The following COL18A1 variants were observed in gnomAD, a reference collection of about 807,000 sequenced individuals.
The protein encoded by COL18A1 is collagen alpha-1(XVIII) chain.
In COL18A1, 133 loss-of-function variants were observed where a neutral mutation model predicts 168.0. That is an observed-to-expected ratio of 0.79 (90% CI 0.69 to 0.91). The LOEUF is 0.91. Ranked by LOEUF, COL18A1 falls within the 40% of genes least tolerant of loss-of-function variation. The probability of loss-of-function intolerance (pLI) is 0.00; values close to 1 mark genes in which losing one functional copy is unlikely to be tolerated. For missense variants in COL18A1, 2,126 were observed against 1,925.4 expected, an observed-to-expected ratio of 1.10 and a Z score of -1.95; for synonymous variants, 949 against 809.0, an observed-to-expected ratio of 1.17 and a Z score of -2.94.
At position 45,471,992 on chromosome 21, in the gene COL18A1, G is replaced by GC. The variant is rs1472822036; in HGVS notation, c.652-1897dup. On this transcript the variant is annotated intron_variant, in intron 3 of 41. Transcript: ENST00000651438. The surrounding 1 kb of genome is among the most constrained non-coding windows in gnomAD (Gnocchi z 4.4). ...CAGAGCTTCTCTGCCCTCTGTAGTC[G>GC]CCCCCCACCCAGGCACCCTGTAGCC... Among the ~76,000 whole-genome samples the GC allele has an allele frequency of 6.6e-6, 1 of 152,000 alleles. No homozygotes were observed. Among genetic ancestry groups the GC allele is most frequent in the Non-Finnish European group, 1.5e-5 (1 of 67,980 alleles).
intron 2 of COL18A1, among the ~76,000 whole-genome samples, chr21:45,449,394 T>C (rs2034572873): frequency 1.3e-5 from 2 of 152,018 alleles, no homozygotes; most frequent in Non-Finnish European, 2.9e-5. Flanking sequence ...GACCTCAGGC[T>C]CCCCACCTCA....
chr21:45,482,939 T>C (rs2035951415), intron 15 of COL18A1, 118 bp downstream of exon 15: 1 of 1,458,786 alleles, frequency 6.9e-7, no homozygotes, highest in East Asian at 2.4e-5. Context: ...GGGGCTGGCC[T>C]TGACCCCCAC....
intron 2 of COL18A1, among the ~76,000 whole-genome samples, chr21:45,414,421 A>G (rs2123515547): frequency 6.6e-6 from 1 of 152,344 alleles, no homozygotes; most frequent in African/African-American, 2.4e-5. Flanking sequence ...TGTTAGTCAC[A>G]CGTTTCTATT....
intron 41 of COL18A1, 114 bp from the exon 42 acceptor site, chr21:45,512,074 C>G: frequency 1.7e-6 from 2 of 1,157,894 alleles, no homozygotes; most frequent in East Asian, 2.6e-5. Context: ...GCCTCTGCAG[C>G]CCCCTGGTAA....
At chr21:45,434,978 G>C (rs79722625) in intron 2 of COL18A1, among the ~76,000 whole-genome samples, 6,444 of 152,140 alleles carry the variant, frequency 0.042, 173 homozygotes, top group African/African-American at 0.073. Context: ...AGGGGAAGCC[G>C]GGGGCTGGTT....
intron 40 of COL18A1, among the ~76,000 whole-genome samples, 161 bp downstream of exon 40, chr21:45,510,422 C>T (rs967826563): frequency 6.6e-6 from 1 of 152,160 alleles, no homozygotes; most frequent in Non-Finnish European, 1.5e-5. Flanking sequence ...GGGTGGGTCA[C>T]ACCCCTCCAG....
chr21:45,441,595 C>T (rs1235847592), intron 2 of COL18A1, among the ~76,000 whole-genome samples: 5 of 152,228 alleles, frequency 3.3e-5, no homozygotes, highest in African/African-American at 1.2e-4. Context: ...CATGTTCCCC[C>T]TGCTCCTCTC....
intron 2 of COL18A1, among the ~76,000 whole-genome samples, chr21:45,418,788 T>C (rs8133885): frequency 0.78 from 116,778 of 150,076 alleles, 45,258 homozygotes; most frequent in East Asian, 0.88. Flanking sequence ...GCTTTAGCGT[T>C]GGGTTCCCGG....
In COL18A1 at chr21:45,504,529, A is replaced by T. The variant is rs751825604; in HGVS notation, c.2841A>T (p.Pro947=). The part of the protein sequence containing the change: ...LPGPPGPPGP[P]GPRGYPGIPG... Reference sequence around the variant, plus strand: ...GCCCCCCCGGCCCCCCAGGCCCCCCAGGCCCACGTGGCTACCCTGGGATTC... The same window carrying T: ...GCCCCCCCGGCCCCCCAGGCCCCCCTGGCCCACGTGGCTACCCTGGGATTC... Residue 947 remains proline (P), a synonymous_variant, in exon 34 of 42, where the codon CCA becomes CCT. Transcript: ENST00000651438. 4.6e-6 allele frequency: 4 copies of T among 878,288 alleles called. No individual in the cohort carries two copies. The highest frequency in any genetic ancestry group is 2.2e-5 in the African/African-American group (1 of 45,098). The allele number at this position is 878,288 out of a possible 1,614,324, so 54.4% of individuals were successfully genotyped here.
chr21:45,490,813 C>G, intron 20 of COL18A1, 23 bp from the exon 21 acceptor site: 1 of 1,549,822 alleles, frequency 6.5e-7, no homozygotes, highest in Non-Finnish European at 8.7e-7. Flanking sequence ...TGGTGATGAA[C>G]CATTTCCTTC....
intron 26 of COL18A1, 99 bp from the exon 27 acceptor site, chr21:45,494,446 C>T: frequency 6.4e-7 from 1 of 1,559,926 alleles, no homozygotes; most frequent in East Asian, 2.2e-5. Context: ...GGGGCACAAG[C>T]CGCCACCTAA....
intron 25 of COL18A1, 53 bp downstream of exon 25, chr21:45,493,278 C>T: frequency 6.5e-7 from 1 of 1,534,574 alleles, no homozygotes; most frequent in African/African-American, 1.4e-5. Flanking sequence ...AGGGGTGGCT[C>T]CAGCCTGCCC....
At chr21:45,505,748 C>T (rs944408697) in intron 36 of COL18A1, 90 bp from the exon 37 acceptor site, 1 of 1,094,126 alleles carries the variant, frequency 9.1e-7, no homozygotes, top group East Asian at 2.6e-5. Flanking sequence ...GCGGCCCCTG[C>T]CCAGCACCCT....
chr21:45,405,556 C>T (rs1415145134), intron 2 of COL18A1, 83 bp downstream of exon 2: 8 of 856,640 alleles, frequency 9.3e-6, no homozygotes, highest in Non-Finnish European at 1.2e-5. Context: ...CCGGCTCCCT[C>T]ACCCCCGCCC....
chr21:45,475,367 AG>A, intron 4 of COL18A1, 108 bp from the exon 5 acceptor site: 2 of 993,916 alleles, frequency 2.0e-6, no homozygotes, highest in Admixed American at 2.0e-5. Flanking sequence ...ACGAGGCGAG[AG>A]GGGGCCTGGA....
intron 2 of COL18A1, among the ~76,000 whole-genome samples, chr21:45,449,972 A>T (rs908540448): frequency 8.5e-5 from 13 of 152,262 alleles, no homozygotes; most frequent in Admixed American, 6.5e-5. Flanking sequence ...TCAGACAATC[A>T]TAAACTAGTT....
chr21:45,492,245 G>A (rs986109744), intron 22 of COL18A1, among the ~76,000 whole-genome samples: 1 of 152,284 alleles, frequency 6.6e-6, no homozygotes, highest in East Asian at 1.9e-4. Flanking sequence ...CCCGTAGGCC[G>A]AGCCACCTCC....
At chr21:45,509,301 G>C in intron 38 of COL18A1, 55 bp from the exon 39 acceptor site, 2 of 1,534,664 alleles carry the variant, frequency 1.3e-6, no homozygotes, top group African/African-American at 1.4e-5. Context: ...CACAGATGGA[G>C]GAGGGGCACC....
At chr21:45,438,111 G>C (rs1398825568) in intron 2 of COL18A1, among the ~76,000 whole-genome samples, 10 of 51,946 alleles carry the variant, frequency 1.9e-4, no homozygotes, top group Non-Finnish European at 2.8e-4. Context: ...CTCACACTCA[G>C]ACACACAGGC....
Sources: gnomAD v4.1 joint callset for allele counts (sites outside exome capture counted in the v4.1 genomes callset) on GRCh38, gnomAD v4.1.1 for gene constraint, Gnocchi (gnomAD v3.1) non-coding constraint, MANE v1.5 for transcripts, NCBI Gene and HGNC (gene_info 2026-07-23, HGNC 2026-07-21) for gene names.